PTPRD: variants seen among roughly 807,000 people sequenced by gnomAD.
The protein encoded by PTPRD is receptor-type tyrosine-protein phosphatase delta.
In PTPRD, 34 loss-of-function variants were observed where a neutral mutation model predicts 214.5. The ratio of observed to expected loss-of-function variants is 0.16; its 90% CI spans 0.12 to 0.21. The LOEUF is 0.21. PTPRD is among the 10% of genes least tolerant of loss of function. The pLI is 1.00. For missense variants in PTPRD, 2,545 were observed against 2,398.7 expected, an observed-to-expected ratio of 1.06 and a Z score of -1.27; for synonymous variants, 1,128 against 845.7, an observed-to-expected ratio of 1.33 and a Z score of -5.79.
At chr9:9,783,838 A>G (rs1027250508) in intron 5 of PTPRD, among the ~76,000 whole-genome samples, 1 of 120,748 alleles carries the variant, frequency 8.3e-6, no homozygotes, top group African/African-American at 3.1e-5. Context: ...TTTTTTTTTT[A>G]ATTAAACTTG....
chr9:9,131,986 G>A (rs577628701), intron 10 of PTPRD, among the ~76,000 whole-genome samples: 39 of 151,874 alleles, frequency 2.6e-4, no homozygotes, highest in Non-Finnish European at 4.6e-4. Flanking sequence ...CCTAAGTAAG[G>A]GCCACTAGTT....
intron 5 of PTPRD, among the ~76,000 whole-genome samples, chr9:9,851,384 G>A (rs1233913295): frequency 2.6e-5 from 4 of 152,286 alleles, no homozygotes; most frequent in South Asian, 2.1e-4. Context: ...CTGTTCCATT[G>A]AGTCAATGGA....
At chr9:8,484,750 C>G (rs2096962410) in intron 29 of PTPRD, among the ~76,000 whole-genome samples, 1 of 152,034 alleles carries the variant, frequency 6.6e-6, no homozygotes, top group African/African-American at 2.4e-5. Flanking sequence ...GTTTTGGTTC[C>G]TCTTTCTAAA....
intron 2 of PTPRD, among the ~76,000 whole-genome samples, chr9:10,575,272 A>G (rs1040655028): frequency 2.6e-5 from 4 of 152,062 alleles, no homozygotes; most frequent in Non-Finnish European, 5.9e-5. Context: ...ACAATTAAAC[A>G]AACAATCTTG....
At chr9:8,998,710 C>T (rs190036971) in intron 11 of PTPRD, among the ~76,000 whole-genome samples, 2 of 152,096 alleles carry the variant, frequency 1.3e-5, no homozygotes, top group African/African-American at 4.8e-5. Context: ...ATAGTGATTC[C>T]TCTGATGGAT....
At chr9:9,988,318 G>A (rs958022059) in intron 4 of PTPRD, among the ~76,000 whole-genome samples, 4 of 151,998 alleles carry the variant, frequency 2.6e-5, no homozygotes, top group Admixed American at 6.6e-5. Flanking sequence ...CTGTTATTTA[G>A]TGTTTTGTTT....
chr9:9,132,852 G>C (rs773771515), intron 10 of PTPRD, among the ~76,000 whole-genome samples: 2 of 152,154 alleles, frequency 1.3e-5, no homozygotes, highest in African/African-American at 2.4e-5. Context: ...AAATCAAAGA[G>C]TAATATATGA....
intron 9 of PTPRD, among the ~76,000 whole-genome samples, chr9:9,219,534 T>C (rs938265717): frequency 1.4e-4 from 22 of 152,284 alleles, no homozygotes; most frequent in Non-Finnish European, 3.1e-4. Context: ...TTTAAAGTCA[T>C]AGAGATACAT....
At chr9:8,725,615 A>C (rs2098548758) in intron 12 of PTPRD, among the ~76,000 whole-genome samples, 1 of 152,230 alleles carries the variant, frequency 6.6e-6, no homozygotes, top group Non-Finnish European at 1.5e-5. Context: ...ATGAGAAAAA[A>C]AGGCATAATA....
At chr9:8,325,718 A>T (rs995523401) in intron 44 of PTPRD, among the ~76,000 whole-genome samples, 1 of 152,132 alleles carries the variant, frequency 6.6e-6, no homozygotes, top group Non-Finnish European at 1.5e-5. Context: ...ATCCGTGAGC[A>T]TGGAATGTTC....
At chr9:9,313,368 T>C (rs931111627) in intron 9 of PTPRD, among the ~76,000 whole-genome samples, 2 of 152,134 alleles carry the variant, frequency 1.3e-5, no homozygotes, top group East Asian at 1.9e-4. Context: ...TGTGGTACAA[T>C]TGTACCTGAA....
intron 3 of PTPRD, among the ~76,000 whole-genome samples, chr9:10,164,624 T>C (rs2099148085): frequency 6.6e-6 from 1 of 151,664 alleles, no homozygotes; most frequent in Non-Finnish European, 1.5e-5. Context: ...ATCGTCCTTA[T>C]AAATCTAGAA....
At chr9:9,392,485 C>G (rs187583963) in intron 9 of PTPRD, among the ~76,000 whole-genome samples, 67 of 152,252 alleles carry the variant, frequency 4.4e-4, no homozygotes, top group Admixed American at 2.4e-3. Flanking sequence ...AAAATTACCA[C>G]GGTCCTTCTG....
chr9:8,765,428 G>A (rs1383798960), intron 11 of PTPRD, among the ~76,000 whole-genome samples: 1 of 152,134 alleles, frequency 6.6e-6, no homozygotes, highest in Non-Finnish European at 1.5e-5. Flanking sequence ...ATGTTCTAAG[G>A]ACACTTAGGC....
At chr9:8,882,110 A>G (rs1274071270) in intron 11 of PTPRD, among the ~76,000 whole-genome samples, 1 of 152,222 alleles carries the variant, frequency 6.6e-6, no homozygotes, top group Non-Finnish European at 1.5e-5. Context: ...TGTTAGAGCA[A>G]GAACCAACAA....
rs375548841 is a variant in PTPRD, at chr9:8,319,855, T to C, written c.5646A>G (p.Gln1882=). Residue 1882 remains glutamine (Q), a synonymous_variant, in exon 45 of 46, where the codon CAA becomes CAG. Transcript: ENST00000381196. ...IFQTVKMLRT[Q]RPAMVQTEDQ... is the part of the protein sequence containing the mutation. ...CCTCTGTCTGTACCATAGCTGGTCG[T>C]TGTGTTCTTAACATTTTGACAGTCT... The C allele has an allele frequency of 4.9e-5, 79 of 1,612,922 alleles. No individual in the cohort carries two copies. The highest frequency in any genetic ancestry group is 1.6e-4 in the Middle Eastern group (1 of 6,070).
At chr9:9,989,682 T>A (rs1208289395) in intron 4 of PTPRD, among the ~76,000 whole-genome samples, 2 of 152,174 alleles carry the variant, frequency 1.3e-5, no homozygotes, top group Non-Finnish European at 1.5e-5. Context: ...GGCTGTCGCA[T>A]TGACTCTCCA....
chr9:8,978,238 G>A lies in PTPRD; in HGVS notation c.-104+40459C>T, dbSNP rs115457420. ...GCTGGATTTATCTCAGTCTCAAAGG[G>A]TAGCAAGGCCTCAGCTGATGCATGG... is the stretch of plus-strand genomic sequence containing the variant. On this transcript the variant is annotated intron_variant, in intron 11 of 45. Transcript: ENST00000381196. Among the ~76,000 whole-genome samples the A allele has an allele frequency of 5.4e-3, 826 of 152,196 alleles. 4 individuals carry two copies. The highest frequency in any genetic ancestry group is 0.019 in the African/African-American group (781 of 41,562).
intron 8 of PTPRD, among the ~76,000 whole-genome samples, chr9:9,558,921 A>G (rs1356760437): frequency 3.9e-5 from 6 of 152,186 alleles, no homozygotes; most frequent in Admixed American, 1.3e-4. Context: ...CATTAGGACT[A>G]CAGGTCCTAA....
Sources: allele counts gnomAD v4.1 joint callset (sites outside exome capture counted in the v4.1 genomes callset), GRCh38; gene constraint gnomAD v4.1.1; transcripts MANE v1.5; gene names NCBI Gene and HGNC (gene_info 2026-07-23, HGNC 2026-07-21).